The following TRPS1 variants were observed in gnomAD, a reference collection of about 807,000 sequenced individuals.
TRPS1 encodes the protein zinc finger transcription factor Trps1.
A neutral mutation model predicts 101.2 loss-of-function variants in TRPS1; 6 were observed. The ratio of observed to expected loss-of-function variants is 0.06; its 90% CI spans 0.03 to 0.12. The LOEUF (loss-of-function observed/expected upper bound fraction) is 0.12. Among genes scored for constraint, TRPS1 ranks in the 10% least tolerant of loss-of-function variants. The pLI, the probability that TRPS1 is intolerant of heterozygous loss-of-function variation, is 1.00. For missense variants in TRPS1, 1,363 were observed against 1,567.0 expected (o/e 0.87, Z 2.20); for synonymous variants, 578 against 589.8 (o/e 0.98, Z 0.29).
intron 3 of TRPS1, among the ~76,000 whole-genome samples, chr8:115,610,681 G>T (rs954323733): frequency 6.6e-6 from 1 of 152,096 alleles, no homozygotes; most frequent in Non-Finnish European, 1.5e-5. Flanking sequence ...TCATTATGCA[G>T]ATTTTTATTA....
intron 5 of TRPS1, among the ~76,000 whole-genome samples, chr8:115,555,232 G>A (rs1206430112): frequency 2.0e-5 from 3 of 152,000 alleles, no homozygotes; most frequent in South Asian, 4.2e-4. Flanking sequence ...TGCTAACTTC[G>A]CTCTTAGAAC....
intron 5 of TRPS1, among the ~76,000 whole-genome samples, chr8:115,464,117 T>C (rs992368706): frequency 1.7e-4 from 26 of 152,260 alleles, no homozygotes; most frequent in Non-Finnish European, 2.9e-4. Flanking sequence ...GTCTTGATTT[T>C]TTTTTGCATT....
rs1812830871 is a variant in TRPS1, at chr8:115,413,250, T to G, written c.*773A>C. 1 of 152,238 alleles carries G rather than the reference T, an allele frequency of 6.6e-6. No homozygotes were observed. Among genetic ancestry groups the G allele is most frequent in the African/African-American group, 2.4e-5 (1 of 41,424 alleles). 9.4% of individuals were successfully genotyped at this position (152,238 alleles called of 1,614,324 possible). ...CTAAAATGAAATCACTACAGAAGCATCGAGGACATTGTTTTTTAAAATGGG... is the reference window on the plus strand; with the variant it reads ...CTAAAATGAAATCACTACAGAAGCAGCGAGGACATTGTTTTTTAAAATGGG... On this transcript the variant is annotated 3_prime_UTR_variant, in exon 7 of 7. Transcript: ENST00000395715.
chr8:115,604,451 C>T lies in TRPS1; in HGVS notation c.1518G>A (p.Glu506=). Residue 506 remains glutamate, a synonymous_variant, in exon 4 of 7, where the codon GAG becomes GAA. Coordinates refer to ENST00000395715, the MANE Select transcript of TRPS1 (RefSeq NM_014112.5). The surrounding 1 kb of genome is among the most constrained non-coding windows in gnomAD (Gnocchi z 4.1). ...QNDLAKSSEG[E]TMTKTDKSSS... Reference sequence around the variant, plus strand: ...AGCTCTTGTCTGTCTTGGTCATTGTCTCTCCTTCTGAACTTTTGGCTAGAT... The same window carrying T: ...AGCTCTTGTCTGTCTTGGTCATTGTTTCTCCTTCTGAACTTTTGGCTAGAT... The T allele has an allele frequency of 6.2e-7, 1 of 1,614,088 alleles. No individual in the cohort carries two copies. Among genetic ancestry groups the T allele is most frequent in the Non-Finnish European group, 8.5e-7 (1 of 1,180,004 alleles).
intron 5 of TRPS1, among the ~76,000 whole-genome samples, chr8:115,531,746 A>C (rs2130265650): frequency 6.6e-6 from 1 of 152,278 alleles, no homozygotes; most frequent in East Asian, 1.9e-4. Context: ...AAAAAAACAA[A>C]GTGAAGAGCC....
intron 4 of TRPS1, among the ~76,000 whole-genome samples, chr8:115,600,443 G>A (rs1429337222): frequency 6.6e-6 from 1 of 152,178 alleles, no homozygotes; most frequent in Non-Finnish European, 1.5e-5. Context: ...CCAGAAGTCA[G>A]AGGAAGAACT....
intron 5 of TRPS1, among the ~76,000 whole-genome samples, chr8:115,484,712 T>A (rs1393980831): frequency 6.6e-6 from 1 of 152,182 alleles, no homozygotes; most frequent in Non-Finnish European, 1.5e-5. Context: ...AATCTGACAG[T>A]AGGGGTAAGA....
intron 5 of TRPS1, among the ~76,000 whole-genome samples, chr8:115,516,542 A>G (rs1277012318): frequency 6.6e-6 from 1 of 151,666 alleles, no homozygotes; most frequent in East Asian, 1.9e-4. Context: ...TAAATAATAG[A>G]AGAAAGAACT....
At chr8:115,564,039 G>T (rs568286036) in intron 5 of TRPS1, among the ~76,000 whole-genome samples, 17 of 152,130 alleles carry the variant, frequency 1.1e-4, no homozygotes, top group Non-Finnish European at 2.5e-4. Flanking sequence ...TTCAGTTCTT[G>T]CAGTGAACAG....
chr8:115,419,122 CTATT>C (rs746689822), intron 5 of TRPS1, among the ~76,000 whole-genome samples: 5 of 152,082 alleles, frequency 3.3e-5, no homozygotes, highest in African/African-American at 7.2e-5. Flanking sequence ...CCTTCAATGG[CTATT>C]TATTTATTTT....
chr8:115,649,521 C>G (rs559552940), intron 1 of TRPS1, among the ~76,000 whole-genome samples: 1 of 152,304 alleles, frequency 6.6e-6, no homozygotes, highest in East Asian at 1.9e-4. Context: ...GTGAAGACAA[C>G]ATACAGCACA....
intron 1 of TRPS1, among the ~76,000 whole-genome samples, chr8:115,630,716 T>A (rs1471540524): frequency 2.6e-5 from 4 of 151,998 alleles, no homozygotes; most frequent in Middle Eastern, 3.2e-3. Context: ...GGATGAACAA[T>A]CCTTTAAGTA....
At chr8:115,660,114 A>G (rs888070454) in intron 1 of TRPS1, among the ~76,000 whole-genome samples, 1 of 152,006 alleles carries the variant, frequency 6.6e-6, no homozygotes, top group Non-Finnish European at 1.5e-5. Context: ...CATGTAATAG[A>G]GAAATTAGAT....
chr8:115,566,517 A>AT (rs964818445), intron 5 of TRPS1, among the ~76,000 whole-genome samples: 2 of 151,702 alleles, frequency 1.3e-5, no homozygotes, highest in Non-Finnish European at 2.9e-5. Context: ...TTGTTTTTGC[A>AT]TTTTTTTCTT....
chr8:115,528,158 G>C (rs1360474521), intron 5 of TRPS1, among the ~76,000 whole-genome samples: 4 of 151,978 alleles, frequency 2.6e-5, no homozygotes, highest in African/African-American at 9.7e-5. Context: ...ACCTTTCTGG[G>C]AAAGTAAAAC....
At chr8:115,573,477 T>C (rs1176350261) in intron 5 of TRPS1, among the ~76,000 whole-genome samples, 1 of 152,162 alleles carries the variant, frequency 6.6e-6, no homozygotes, top group Non-Finnish European at 1.5e-5. Flanking sequence ...GACTGTCTGC[T>C]CAGCATAGCT....
intron 5 of TRPS1, among the ~76,000 whole-genome samples, chr8:115,492,620 A>G (rs774526744): frequency 3.9e-4 from 60 of 152,186 alleles, no homozygotes; most frequent in Admixed American, 5.9e-4. Context: ...CCAAAGTCAC[A>G]TGATCAGTTA....
chr8:115,550,711 T>C (rs1442585138), intron 5 of TRPS1, among the ~76,000 whole-genome samples: 1 of 152,200 alleles, frequency 6.6e-6, no homozygotes, highest in African/African-American at 2.4e-5. Flanking sequence ...GTTGTTCTAT[T>C]TGACTTCTAA....
At chr8:115,662,921 C>T (rs1174145542) in intron 1 of TRPS1, among the ~76,000 whole-genome samples, 8 of 152,014 alleles carry the variant, frequency 5.3e-5, no homozygotes, top group Admixed American at 5.2e-4. Context: ...CTCTTGCTAA[C>T]AGGTGTCGCA....
Sources: gnomAD v4.1 joint callset for allele counts (sites outside exome capture counted in the v4.1 genomes callset) on GRCh38, gnomAD v4.1.1 for gene constraint, Gnocchi (gnomAD v3.1) non-coding constraint, MANE v1.5 for transcripts, NCBI Gene and HGNC (gene_info 2026-07-23, HGNC 2026-07-21) for gene names.